Variants in ADAMTSL1 observed in about 807,000 individuals in gnomAD.
ADAMTSL1 encodes the protein ADAMTS like 1, also known as ADAMTS-like protein 1.
Under a neutral mutation model 201.8 loss-of-function variants are expected in ADAMTSL1, and 126 were observed. The ratio of observed to expected loss-of-function variants is 0.62; its 90% CI spans 0.54 to 0.72. The LOEUF is 0.72. ADAMTSL1 is among the 30% of genes least tolerant of loss of function. ADAMTSL1 has a pLI of 0.00. For synonymous variants in ADAMTSL1, 1,121 were observed against 903.4 expected (o/e 1.24, Z -4.32); for missense variants, 2,679 against 2,277.8 (o/e 1.18, Z -3.59).
chr9:18,861,650 G>A lies in ADAMTSL1; in HGVS notation c.4250-26181G>A, dbSNP rs932248030. On this transcript the variant is annotated intron_variant, in intron 23 of 28. Transcript: ENST00000380548. ...ATGCCCATCACACTGATGCTGTGAC[G>A]TTTCCAGTAAGGGCTGTGGATGGAT... 5.3e-5 allele frequency among the ~76,000 whole-genome samples: 8 copies of A among 152,204 alleles called. No homozygotes were observed. The South Asian group carries it at 6.2e-4, about 12-fold the overall frequency.
intron 1 of ADAMTSL1, among the ~76,000 whole-genome samples, chr9:18,078,884 A>C (rs1229366306): frequency 6.6e-6 from 1 of 152,224 alleles, no homozygotes; most frequent in African/African-American, 2.4e-5. Context: ...ATCAAGAAAC[A>C]ATCATGATGC....
At chr9:18,386,662 A>T (rs1837805037) in intron 2 of ADAMTSL1, among the ~76,000 whole-genome samples, 1 of 152,038 alleles carries the variant, frequency 6.6e-6, no homozygotes, top group South Asian at 2.1e-4. Flanking sequence ...TAATAATCTG[A>T]TCCAGCTTCT....
At chr9:18,142,133 C>G (rs1826425901) in intron 1 of ADAMTSL1, among the ~76,000 whole-genome samples, 1 of 152,174 alleles carries the variant, frequency 6.6e-6, no homozygotes, top group African/African-American at 2.4e-5. Context: ...CTCTAGCAGT[C>G]CCCTGACCTC....
chr9:18,876,348 T>TGTGTGTG (rs1554653559), intron 23 of ADAMTSL1, among the ~76,000 whole-genome samples: 1 of 121,816 alleles, frequency 8.2e-6, no homozygotes, highest in Non-Finnish European at 1.7e-5. Context: ...GTTTTATAGG[T>TGTGTGTG]TCTGTGAGAT....
chr9:18,406,180 G>A (rs139122998), intron 2 of ADAMTSL1, among the ~76,000 whole-genome samples: 208 of 152,284 alleles, frequency 1.4e-3, no homozygotes, highest in Non-Finnish European at 2.0e-3. Context: ...ATTGCTGAAT[G>A]CATGAGGGAG....
At chr9:18,014,649 C>T (rs914987168) in intron 1 of ADAMTSL1, among the ~76,000 whole-genome samples, 2 of 152,114 alleles carry the variant, frequency 1.3e-5, no homozygotes, top group East Asian at 1.9e-4. Flanking sequence ...TAGTTTTAAC[C>T]GTAGGTTTCA....
intron 20 of ADAMTSL1, among the ~76,000 whole-genome samples, chr9:18,798,256 C>T (rs754432703): frequency 3.9e-5 from 6 of 152,130 alleles, no homozygotes; most frequent in Admixed American, 6.5e-5. Context: ...CAGTTAAAAT[C>T]ATGGGCTCTG....
At chr9:18,207,515 A>C (rs1316863362) in intron 2 of ADAMTSL1, among the ~76,000 whole-genome samples, 1 of 152,226 alleles carries the variant, frequency 6.6e-6, no homozygotes, top group African/African-American at 2.4e-5. Flanking sequence ...AACAATAACT[A>C]ATATGTTTAA....
chr9:18,725,741 T>C (rs1817849423), intron 15 of ADAMTSL1, among the ~76,000 whole-genome samples: 1 of 152,194 alleles, frequency 6.6e-6, no homozygotes, highest in Non-Finnish European at 1.5e-5. Context: ...TCAGTTCTAG[T>C]TCCTTCTTAT....
chr9:17,966,627 T>C (rs888729189), intron 1 of ADAMTSL1, among the ~76,000 whole-genome samples: 6 of 152,176 alleles, frequency 3.9e-5, no homozygotes, highest in African/African-American at 1.4e-4. Flanking sequence ...TAGTTTTCTT[T>C]TTGTCTGTAG....
chr9:18,765,405 G>C (rs1316514800), intron 16 of ADAMTSL1, among the ~76,000 whole-genome samples: 1 of 150,024 alleles, frequency 6.7e-6, no homozygotes, highest in Non-Finnish European at 1.5e-5. Flanking sequence ...GCTTGATGTC[G>C]TTTTGAGGTT....
In ADAMTSL1 at chr9:18,706,854, A is replaced by C. The variant is rs1587943067; in HGVS notation, c.1682A>C (p.Asp561Ala). 1 of 1,613,330 alleles carries C rather than the reference A, an allele frequency of 6.2e-7. No individual in the cohort carries two copies. The highest frequency in any genetic ancestry group is 8.5e-7 in the Non-Finnish European group (1 of 1,179,578). Residue 561 changes from aspartate (D) to alanine (A), a missense_variant, in exon 14 of 29, where the codon GAC becomes GCC. Coordinates refer to ENST00000380548, the MANE Select transcript of ADAMTSL1 (RefSeq NM_001040272.6). ...VLLSFSQSVA[D>A]LPIDECEGPK... is the part of the protein sequence containing the mutation. ...CTGTCTTTCTCTCAGTCCGTGGCTGACCTGCCTATTGACGAGTGTGAAGGG... is the reference window on the plus strand; with the variant it reads ...CTGTCTTTCTCTCAGTCCGTGGCTGCCCTGCCTATTGACGAGTGTGAAGGG...
At chr9:18,863,587 G>C (rs1321016870) in intron 23 of ADAMTSL1, among the ~76,000 whole-genome samples, 1 of 152,088 alleles carries the variant, frequency 6.6e-6, no homozygotes, top group Non-Finnish European at 1.5e-5. Context: ...AGCCTTCTAG[G>C]GTCCAGCTGA....
intron 14 of ADAMTSL1, among the ~76,000 whole-genome samples, chr9:18,715,498 A>T (rs1832868704): frequency 6.6e-6 from 1 of 152,158 alleles, no homozygotes; most frequent in Non-Finnish European, 1.5e-5. Flanking sequence ...TGCTTCAAAG[A>T]GGATAAAATA....
chr9:18,238,434 C>T (rs941507984), intron 2 of ADAMTSL1, among the ~76,000 whole-genome samples: 1 of 152,034 alleles, frequency 6.6e-6, no homozygotes, highest in Non-Finnish European at 1.5e-5. Context: ...GGGGAAGGAG[C>T]TGGGCTTGCA....
At chr9:18,504,544 T>C (rs1332277146) in intron 1 of ADAMTSL1, among the ~76,000 whole-genome samples, 1 of 152,202 alleles carries the variant, frequency 6.6e-6, no homozygotes, top group Non-Finnish European at 1.5e-5. Context: ...ATGCAATTGA[T>C]TGTCTTCTAA....
intron 1 of ADAMTSL1, among the ~76,000 whole-genome samples, chr9:18,070,690 G>GA (rs1257189410): frequency 2.6e-5 from 4 of 152,170 alleles, no homozygotes; most frequent in African/African-American, 9.7e-5. Context: ...CCCCTTGGGA[G>GA]AAGGAGTCTT....
intron 14 of ADAMTSL1, among the ~76,000 whole-genome samples, chr9:18,711,337 G>T (rs1044357624): frequency 6.8e-6 from 1 of 147,654 alleles, no homozygotes; most frequent in Non-Finnish European, 1.5e-5. Flanking sequence ...TGAGGTACTG[G>T]GTTCATCTCA....
At chr9:18,311,974 C>T (rs141183750) in intron 2 of ADAMTSL1, among the ~76,000 whole-genome samples, 55 of 152,238 alleles carry the variant, frequency 3.6e-4, no homozygotes, top group African/African-American at 1.0e-3. Context: ...CTGTTGAATG[C>T]CTTTTACGTG....
Sources: gnomAD v4.1 joint callset for allele counts (sites outside exome capture counted in the v4.1 genomes callset) on GRCh38, gnomAD v4.1.1 for gene constraint, MANE v1.5 for transcripts, NCBI Gene and HGNC (gene_info 2026-07-23, HGNC 2026-07-21) for gene names.